Variants in AHCY observed in about 807,000 individuals in gnomAD.
AHCY encodes the protein S-adenosyl-L-homocysteine hydrolase.
AHCY carries 24 observed loss-of-function variants against 45.4 expected under a neutral mutation model. The ratio of observed to expected loss-of-function variants is 0.53; its 90% CI spans 0.38 to 0.74. The LOEUF (loss-of-function observed/expected upper bound fraction) is 0.74. AHCY is among the 30% of genes least tolerant of loss of function. The pLI, the probability that AHCY is intolerant of heterozygous loss-of-function variation, is 0.00. For missense variants in AHCY, 449 were observed against 594.1 expected (o/e 0.76, Z 2.54); for synonymous variants, 245 against 235.1 (o/e 1.04, Z -0.39).
At chr20:34,291,218 T>C (rs2036377891) in intron 5 of AHCY, among the ~76,000 whole-genome samples, 1 of 152,214 alleles carries the variant, frequency 6.6e-6, no homozygotes, top group African/African-American at 2.4e-5. Flanking sequence ...TGAAAGCTCT[T>C]CTTCCCAAAG....
chr20:34,300,964 C>T (rs2122819294), intron 1 of AHCY, among the ~76,000 whole-genome samples: 1 of 152,308 alleles, frequency 6.6e-6, no homozygotes, highest in East Asian at 1.9e-4. Flanking sequence ...TCCAGCATGA[C>T]CTGGCTCAGA....
the AHCY span, chr20:34,246,210 G>A: frequency 6.9e-7 from 1 of 1,447,692 alleles, no homozygotes; most frequent in Non-Finnish European, 9.4e-7. Flanking sequence ...AGCTTTTGTG[G>A]TATGGTCTTC....
downstream of AHCY, among the ~76,000 whole-genome samples, chr20:34,276,039 G>A (rs748375874): frequency 6.6e-6 from 1 of 152,102 alleles, no homozygotes; most frequent in Non-Finnish European, 1.5e-5. Context: ...GGGCAAAGGA[G>A]CAGCTACAGG....
At chr20:34,235,864 G>GC in the AHCY span, among the ~76,000 whole-genome samples, 3 of 37,206 alleles carry the variant, frequency 8.1e-5, no homozygotes, top group African/African-American at 7.4e-4. Context: ...AAGGAAGGAA[G>GC]GAAAGGAAGG....
At chr20:34,260,488 C>T in the AHCY span, 514 of 1,614,068 alleles carry the variant, frequency 3.2e-4, 3 homozygotes, top group African/African-American at 6.3e-3. Flanking sequence ...GCCTGAGAAG[C>T]AACTCCTCTG....
the AHCY span, among the ~76,000 whole-genome samples, chr20:34,273,200 C>T: frequency 6.7e-6 from 1 of 148,626 alleles, no homozygotes; most frequent in Non-Finnish European, 1.5e-5. Flanking sequence ...CATTAAATCA[C>T]GCATTTGCCC....
the AHCY span, among the ~76,000 whole-genome samples, chr20:34,266,354 A>G: frequency 6.6e-6 from 1 of 150,964 alleles, no homozygotes; most frequent in Non-Finnish European, 1.5e-5. Context: ...CGTCTCAAAA[A>G]TAATATAAAA....
downstream of AHCY, among the ~76,000 whole-genome samples, chr20:34,277,772 A>C (rs1489865944): frequency 6.6e-6 from 1 of 151,470 alleles, no homozygotes; most frequent in Non-Finnish European, 1.5e-5. Context: ...AAAAAAAAAA[A>C]AAAAAAACTC....
chr20:34,240,477 C>A, the AHCY span, among the ~76,000 whole-genome samples: 1 of 152,304 alleles, frequency 6.6e-6, no homozygotes, highest in South Asian at 2.1e-4. Flanking sequence ...AAGAAAAGAA[C>A]TGCAGCGTCA....
At chr20:34,283,435 C>CT (rs1315428919) in intron 9 of AHCY, among the ~76,000 whole-genome samples, 6 of 152,196 alleles carry the variant, frequency 3.9e-5, no homozygotes, top group Non-Finnish European at 5.9e-5. Context: ...GCTGCCTTCT[C>CT]TGTCATTGTT....
At chr20:34,233,650 A>G in the AHCY span, among the ~76,000 whole-genome samples, 2 of 152,208 alleles carry the variant, frequency 1.3e-5, no homozygotes, top group African/African-American at 2.4e-5. Flanking sequence ...CAGTCTGAAG[A>G]TAATGAATTG....
At chr20:34,271,565 C>CT in the AHCY span, among the ~76,000 whole-genome samples, 46,628 of 123,368 alleles carry the variant, frequency 0.38, 10,457 homozygotes, top group South Asian at 0.58. Context: ...TTGAACAAGC[C>CT]TTTTTTTTTT....
chr20:34,258,001 G>T, the AHCY span, among the ~76,000 whole-genome samples: 1 of 152,012 alleles, frequency 6.6e-6, no homozygotes, highest in Non-Finnish European at 1.5e-5. Context: ...AAAATTAGCT[G>T]GGCGTGGTGG....
chr20:34,248,933 CATGGTAAA>C, the AHCY span, among the ~76,000 whole-genome samples: 1 of 145,234 alleles, frequency 6.9e-6, no homozygotes, highest in Non-Finnish European at 1.5e-5. Flanking sequence ...GCCTGGGCAA[CATGGTAAA>C]ACCCCATCTC....
chr20:34,235,819 A>AAGAAAGAAAGAC, the AHCY span, among the ~76,000 whole-genome samples: 1 of 63,464 alleles, frequency 1.6e-5, no homozygotes, highest in Non-Finnish European at 2.5e-5. Context: ...GAAAGAAAGA[A>AAGAAAGAAAGAC]AGAAAGAAAG....
chr20:34,272,427 G>A, the AHCY span, among the ~76,000 whole-genome samples: 1 of 152,182 alleles, frequency 6.6e-6, no homozygotes, highest in African/African-American at 2.4e-5. Flanking sequence ...TATCTACTTG[G>A]AGATGGCATC....
At chr20:34,284,494 G>A (rs1370933327) in intron 9 of AHCY, among the ~76,000 whole-genome samples, 1 of 152,068 alleles carries the variant, frequency 6.6e-6, no homozygotes, top group Admixed American at 6.5e-5. Context: ...AGGCCACAAC[G>A]TGCAGCCTGC....
chr20:34,234,402 T>C, the AHCY span, among the ~76,000 whole-genome samples: 4 of 152,232 alleles, frequency 2.6e-5, no homozygotes, highest in African/African-American at 9.6e-5. Context: ...AATTGACCCT[T>C]AATGCAGTAG....
At chr20:34,240,547 A>C in the AHCY span, among the ~76,000 whole-genome samples, 2 of 152,320 alleles carry the variant, frequency 1.3e-5, no homozygotes, top group Non-Finnish European at 2.9e-5. Flanking sequence ...TATGAGACCA[A>C]TATTCCTGCA....
Sources: allele counts gnomAD v4.1 joint callset (sites outside exome capture counted in the v4.1 genomes callset), GRCh38; gene constraint gnomAD v4.1.1; transcripts MANE v1.5; gene names NCBI Gene and HGNC (gene_info 2026-07-23, HGNC 2026-07-21).